The following TCEA2 variants were observed in gnomAD, a reference collection of about 807,000 sequenced individuals.
The protein encoded by TCEA2 is transcription elongation factor A protein 2.
A neutral mutation model predicts 40.8 loss-of-function variants in TCEA2; 21 were observed. The observed-to-expected ratio is 0.51, with a 90% CI of 0.36 to 0.74. The LOEUF is 0.74. Ranked by LOEUF, TCEA2 falls within the 30% of genes least tolerant of loss-of-function variation. The pLI is 0.00. For synonymous variants in TCEA2, 165 were observed against 162.7 expected, an observed-to-expected ratio of 1.01 and a Z score of -0.11; for missense variants, 326 against 426.5, an observed-to-expected ratio of 0.76 and a Z score of 2.08.
intron 1 of TCEA2, chr20:64,064,319 A>C (rs2059636957): frequency 1.3e-5 from 2 of 152,206 alleles, no homozygotes; most frequent in African/African-American, 4.8e-5. Flanking sequence ...GAGACTTTGG[A>C]GGAGGCTGTG....
upstream of TCEA2, chr20:64,062,651 A>C (rs976370986): frequency 6.6e-6 from 1 of 152,324 alleles, no homozygotes; most frequent in African/African-American, 2.4e-5. Context: ...TCCAGACGCC[A>C]CGTCCAGCTA....
upstream of TCEA2, chr20:64,062,703 G>T (rs45619239): frequency 4.6e-5 from 7 of 152,430 alleles, no homozygotes; most frequent in Non-Finnish European, 1.0e-4. Flanking sequence ...AGGCCTCCCA[G>T]TGTGCGCGGG....
intron 9 of TCEA2, 87 bp from the exon 10 acceptor site, chr20:64,072,085 C>T: frequency 6.3e-7 from 1 of 1,598,732 alleles, no homozygotes; most frequent in African/African-American, 1.3e-5. Context: ...GGGTGGAGAG[C>T]CCAGCCTTGG....
At chr20:64,064,940 C>T (rs1283280821) in intron 1 of TCEA2, among the ~76,000 whole-genome samples, 1 of 118,828 alleles carries the variant, frequency 8.4e-6, no homozygotes, top group South Asian at 2.9e-4. Context: ...AAAGATGGGT[C>T]ATGGAGCCAG....
chr20:64,071,802 A>G, intron 8 of TCEA2, 68 bp from the exon 9 acceptor site: 20 of 1,585,292 alleles, frequency 1.3e-5, no homozygotes, highest in Non-Finnish European at 1.7e-5. Context: ...CGCACTGCCC[A>G]TGTTGAGGGG....
At chr20:64,068,297 A>T (rs533119117) in intron 4 of TCEA2, among the ~76,000 whole-genome samples, 163 bp downstream of exon 4, 1 of 152,330 alleles carries the variant, frequency 6.6e-6, no homozygotes, top group East Asian at 1.9e-4. Flanking sequence ...TCCCGCCTGC[A>T]CTGACCACTT....
At chr20:64,068,806 G>A (rs1045541400) in intron 4 of TCEA2, among the ~76,000 whole-genome samples, 6 of 152,366 alleles carry the variant, frequency 3.9e-5, no homozygotes, top group Admixed American at 2.6e-4. Context: ...CAGCCTGGTC[G>A]TTGGGCAGCC....
chr20:64,063,863 A>T (rs1316756918), intron 1 of TCEA2: 1 of 160,384 alleles, frequency 6.2e-6, no homozygotes, highest in Non-Finnish European at 1.4e-5. Context: ...CCCCCAACTC[A>T]GCCCTCTCCC....
Position 64,066,945 on chromosome 20 carries a change from C to T in TCEA2, c.166C>T (p.Leu56Phe). The change falls in exon 3 of 10, where the codon CTT (leucine) becomes TTT (phenylalanine). Residue 56 changes from leucine to phenylalanine, a missense_variant. Leu to Phe is a conservative substitution (Grantham distance 22). Transcript: ENST00000343484. ...CCGAGTCGGGATGTCTGTCAACGCC[C>T]TTCGGAAGCAGAGCTCGGATGAGGA... is the stretch of plus-strand genomic sequence containing the variant. ...STRVGMSVNALRKQSSDEEVI... is the reference protein window; with the variant it reads ...STRVGMSVNAFRKQSSDEEVI... The T allele has an allele frequency of 6.2e-7, 1 of 1,614,036 alleles. No individual in the cohort carries two copies.
chr20:64,064,200 A>G (rs1016948230), intron 1 of TCEA2: 2 of 152,282 alleles, frequency 1.3e-5, no homozygotes, highest in African/African-American at 2.4e-5. Flanking sequence ...GTGTGCTTAT[A>G]TAAGAGCCAG....
upstream of TCEA2, among the ~76,000 whole-genome samples, chr20:64,056,007 A>AGGCTGGCG (rs1454360847): frequency 6.6e-6 from 1 of 152,026 alleles, no homozygotes; most frequent in Non-Finnish European, 1.5e-5. Context: ...AGTGGCCGCC[A>AGGCTGGCG]GGCTGGCGGG....
At chr20:64,071,592 C>T (rs1346694727) in intron 8 of TCEA2, among the ~76,000 whole-genome samples, 2 of 152,238 alleles carry the variant, frequency 1.3e-5, no homozygotes, top group Non-Finnish European at 2.9e-5. Context: ...GCTAGTTCCC[C>T]CCACCATTGG....
Position 64,066,911 on chromosome 20 carries a change from G to C in TCEA2, c.136-4G>C, listed in dbSNP as rs978043654. 3.1e-6 allele frequency: 5 copies of C among 1,613,494 alleles called. No homozygotes were observed. Among genetic ancestry groups the C allele is most frequent in the Non-Finnish European group, 1.7e-6 (2 of 1,179,764 alleles). On this transcript the variant is annotated splice_polypyrimidine_tract_variant and splice_region_variant and intron_variant, in intron 2 of 9. Transcript: ENST00000343484. ...TCCCCCAACCCAGACCACTTGCCTC[G>C]TAGTCCACCCGAGTCGGGATGTCTG...
At position 64,068,125 on chromosome 20, in the gene TCEA2, C is replaced by G. The variant is rs150294548; in HGVS notation, c.320C>G (p.Pro107Arg). The G allele has an allele frequency of 4.9e-4, 791 of 1,607,420 alleles. No homozygotes were observed. Among genetic ancestry groups the G allele is most frequent in the Non-Finnish European group, 6.4e-4 (754 of 1,177,434 alleles). ...TCCTCGAGGGATGCCTCAGAGGCCC[C>G]GGATCCCAGGTAGCACACCTGGAAG... ...PTSSRDASEA[P>R]DPSRKRPELP... Residue 107 changes from proline to arginine, a missense_variant, in exon 4 of 10, where the codon CCG becomes CGG. By Grantham distance (103) the Pro-to-Arg change is moderately radical. Coordinates refer to ENST00000343484, the MANE Select transcript of TCEA2 (RefSeq NM_003195.6).
Position 64,066,553 on chromosome 20 carries a change from G to GC in TCEA2, c.135+19dup. 6.2e-7 allele frequency: 1 copy of GC among 1,612,572 alleles called. No homozygotes were observed. The highest frequency in any genetic ancestry group is 8.5e-7 in the Non-Finnish European group (1 of 1,179,192). Reference sequence around the variant, plus strand: ...ACCTGCTCCAGGTAGGTCCCTGCCTGCCCCAGGTCCAGGACAGCTCCTGGG... The same window carrying GC: ...ACCTGCTCCAGGTAGGTCCCTGCCTGCCCCCAGGTCCAGGACAGCTCCTGGG... On this transcript the variant is annotated intron_variant, in intron 2 of 9. Coordinates refer to ENST00000343484, the MANE Select transcript of TCEA2 (RefSeq NM_003195.6).
At chr20:64,069,324 C>T (rs1163947717) in intron 4 of TCEA2, 37 bp from the exon 5 acceptor site, 1 of 1,538,768 alleles carries the variant, frequency 6.5e-7, no homozygotes, top group Non-Finnish European at 8.8e-7. Context: ...TGCCTGCAGC[C>T]TTGAGTCTGA....
At chr20:64,067,119 C>T in intron 3 of TCEA2, 99 bp downstream of exon 3, 1 of 1,292,502 alleles carries the variant, frequency 7.7e-7, no homozygotes, top group South Asian at 1.3e-5. Flanking sequence ...AGTGTCCACC[C>T]TGAGCCAGGT....
chr20:64,065,352 A>G (rs2059666517), intron 1 of TCEA2, among the ~76,000 whole-genome samples: 1 of 152,148 alleles, frequency 6.6e-6, no homozygotes, highest in South Asian at 2.1e-4. Flanking sequence ...AGGTGGGACA[A>G]GCCCCTCCCA....
chr20:64,067,915 G>T (rs2059733240), intron 3 of TCEA2, 132 bp from the exon 4 acceptor site: 3 of 657,170 alleles, frequency 4.6e-6, no homozygotes, highest in African/African-American at 1.9e-5. Context: ...CCCTGGCTGG[G>T]TGAGGGGCTG....
Sources: allele counts gnomAD v4.1 joint callset (sites outside exome capture counted in the v4.1 genomes callset), GRCh38; gene constraint gnomAD v4.1.1; transcripts MANE v1.5; gene names NCBI Gene and HGNC (gene_info 2026-07-23, HGNC 2026-07-21).